The following CUX1 variants were observed in gnomAD, a reference collection of about 807,000 sequenced individuals.
CUX1 encodes the protein protein CASP.
Under a neutral mutation model 158.8 loss-of-function variants are expected in CUX1, and 31 were observed. The observed-to-expected ratio is 0.20, with a 90% CI of 0.15 to 0.26. The LOEUF (loss-of-function observed/expected upper bound fraction) is 0.26, where lower values mean the gene tolerates loss of function less well. CUX1 is among the 10% of genes least tolerant of loss of function. The pLI is 1.00. For synonymous variants in CUX1, 879 were observed against 862.1 expected (o/e 1.02, Z -0.34); for missense variants, 1,589 against 2,014.6 (o/e 0.79, Z 4.04).
At chr7:101,973,435 G>A (rs1205303110) in intron 2 of CUX1, among the ~76,000 whole-genome samples, 1 of 152,214 alleles carries the variant, frequency 6.6e-6, no homozygotes, top group Non-Finnish European at 1.5e-5. Flanking sequence ...ACAGTCTGCT[G>A]ACAGGGGAAT....
intron 2 of CUX1, among the ~76,000 whole-genome samples, chr7:101,990,298 G>A (rs1022983241): frequency 6.6e-6 from 1 of 152,176 alleles, no homozygotes; most frequent in African/African-American, 2.4e-5. Context: ...GGAGTTCAAG[G>A]CAGTAGTGAG....
chr7:101,953,618 T>C (rs1007352500), intron 2 of CUX1, among the ~76,000 whole-genome samples: 2 of 152,202 alleles, frequency 1.3e-5, no homozygotes, highest in African/African-American at 2.4e-5. Context: ...AATGATGTCT[T>C]AAGCTGGCTT....
intron 1 of CUX1, among the ~76,000 whole-genome samples, chr7:101,906,239 G>T (rs1037777089): frequency 1.3e-5 from 2 of 151,940 alleles, no homozygotes; most frequent in Non-Finnish European, 2.9e-5. Context: ...CACAGCCCAT[G>T]GGGAGACGGC....
intron 12 of CUX1, among the ~76,000 whole-genome samples, chr7:102,193,026 G>A (rs1424733747): frequency 1.3e-5 from 2 of 152,208 alleles, no homozygotes; most frequent in Non-Finnish European, 2.9e-5. Flanking sequence ...ACCTTCTCTT[G>A]CCACATCTTT....
At chr7:102,196,579 T>C (rs1346920121) in intron 14 of CUX1, 55 bp from the exon 15 acceptor site, 3 of 1,407,620 alleles carry the variant, frequency 2.1e-6, no homozygotes, top group African/African-American at 2.8e-5. Flanking sequence ...GGTCTTGGTT[T>C]TTTTTTCCCC....
chr7:102,235,688 C>T (rs436709), intron 22 of CUX1, among the ~76,000 whole-genome samples: 47,585 of 141,704 alleles, frequency 0.34, 10,302 homozygotes, highest in East Asian at 0.88. Flanking sequence ...GGCGGCACAG[C>T]GAGACCCCAT....
intron 1 of CUX1, among the ~76,000 whole-genome samples, chr7:101,852,011 A>G (rs980137842): frequency 6.6e-6 from 1 of 151,370 alleles, no homozygotes; most frequent in African/African-American, 2.4e-5. Flanking sequence ...TAAGTATTTT[A>G]TAGAGATAGG....
chr7:101,926,077 A>G (rs1047804891), intron 2 of CUX1, among the ~76,000 whole-genome samples: 3 of 152,218 alleles, frequency 2.0e-5, no homozygotes, highest in Non-Finnish European at 4.4e-5. Flanking sequence ...TCCCCACAGA[A>G]AAGTATCTTG....
In CUX1 at chr7:102,249,310, C is replaced by T. The variant is rs1180333376; in HGVS notation, c.*268C>T. 2 of 1,029,972 alleles carry T rather than the reference C, an allele frequency of 1.9e-6. No individual in the cohort carries two copies. Among genetic ancestry groups the T allele is most frequent in the Non-Finnish European group, 2.3e-6 (2 of 858,302 alleles). 63.8% of individuals were successfully genotyped at this position (1,029,972 alleles called of 1,614,324 possible). On this transcript the variant is annotated 3_prime_UTR_variant, in exon 24 of 24. Transcript: ENST00000292535. ...CCAACCCCGCGGCCCAGACCCAGCC[C>T]GCGGCCTGGACCCCTGGACCGCTTT...
chr7:102,101,246 A>G (rs1829740987), intron 5 of CUX1, among the ~76,000 whole-genome samples: 1 of 152,236 alleles, frequency 6.6e-6, no homozygotes, highest in African/African-American at 2.4e-5. Context: ...CTTCTGCCTC[A>G]TGGGCCACAG....
intron 2 of CUX1, among the ~76,000 whole-genome samples, chr7:101,928,566 A>G (rs530351770): frequency 2.7e-5 from 4 of 149,300 alleles, no homozygotes; most frequent in East Asian, 2.0e-4. Flanking sequence ...GGGTTTCACT[A>G]TGTTGGCCAG....
chr7:101,833,028 G>C (rs1794230092), intron 1 of CUX1, among the ~76,000 whole-genome samples: 1 of 152,110 alleles, frequency 6.6e-6, no homozygotes, highest in African/African-American at 2.4e-5. Flanking sequence ...TTCCCTGAGA[G>C]CATTCTTCTC....
chr7:102,126,215 T>TGTA (rs1554495222), intron 8 of CUX1, among the ~76,000 whole-genome samples: 1 of 96,014 alleles, frequency 1.0e-5, no homozygotes, highest in Non-Finnish European at 2.2e-5. Context: ...GTGTGTGTAT[T>TGTA]TTTTGTAGAG....
chr7:102,028,225 C>T lies in CUX1; in HGVS notation c.189+80C>T, dbSNP rs536360089. The T allele has an allele frequency of 1.8e-4, 271 of 1,490,032 alleles. 1 individual carries two copies. In the African/African-American group the frequency reaches 3.1e-3, roughly 17 times the overall value. 92.3% of individuals were successfully genotyped at this position (1,490,032 alleles called of 1,614,324 possible). A position where few individuals can be genotyped will look rare whatever the true frequency, so the allele number is the denominator to read the frequency against. ...TTTTTATTCACATTAAAGAAATGCT[C>T]CGGGCAAAAGGTGCTGCCCAGATGG... On this transcript the variant is annotated intron_variant, in intron 3 of 23. Coordinates refer to ENST00000292535, the MANE Select transcript of CUX1 (RefSeq NM_181552.4).
intron 2 of CUX1, among the ~76,000 whole-genome samples, chr7:101,944,688 G>A (rs2129144491): frequency 6.6e-6 from 1 of 152,364 alleles, no homozygotes; most frequent in East Asian, 1.9e-4. Context: ...GTCATCTGCT[G>A]TGGCGTGTAT....
chr7:102,248,748 GACCGCC>G lies in CUX1; in HGVS notation c.4231_4236del (p.Thr1411_Ala1412del). On this transcript the variant is annotated inframe_deletion, in exon 24 of 24. Coordinates refer to ENST00000292535, the MANE Select transcript of CUX1 (RefSeq NM_181552.4). The surrounding 1 kb of genome is among the most constrained non-coding windows in gnomAD (Gnocchi z 5.8). ...GGCCCCTGCCCAGCCCCGCCTCCGCGACCGCCACCGCCGCGCCCGCGGCCCCCGAGG... is the reference window on the plus strand; with the variant it reads ...GGCCCCTGCCCAGCCCCGCCTCCGCGACCGCCGCGCCCGCGGCCCCCGAGG... 3 of 1,056,452 alleles carry G rather than the reference GACCGCC, an allele frequency of 2.8e-6. No homozygotes were observed. The highest frequency in any genetic ancestry group is 3.4e-6 in the Non-Finnish European group (3 of 874,870). The allele number at this position is 1,056,452 out of a possible 1,614,324, so 65.4% of individuals were successfully genotyped here.
In CUX1 at chr7:102,234,250, C is replaced by A. The variant is rs1586365405; in HGVS notation, c.3622+10C>A. The A allele has an allele frequency of 6.6e-7, 1 of 1,513,474 alleles. No individual in the cohort carries two copies. Among genetic ancestry groups the A allele is most frequent in the Non-Finnish European group, 8.9e-7 (1 of 1,128,304 alleles). The allele number at this position is 1,513,474 out of a possible 1,614,324, so 93.8% of individuals were successfully genotyped here. A position where few individuals can be genotyped will look rare whatever the true frequency, so the allele number is the denominator to read the frequency against. ...CGGATGGAGAAGAAAGGTAAGTCTC[C>A]CTGCCCCGCCCGGGCCGGCTGCGTC... On this transcript the variant is annotated intron_variant, in intron 22 of 23. Coordinates refer to ENST00000292535, the MANE Select transcript of CUX1 (RefSeq NM_181552.4).
At chr7:101,943,214 C>A (rs553469165) in intron 2 of CUX1, among the ~76,000 whole-genome samples, 1 of 151,040 alleles carries the variant, frequency 6.6e-6, no homozygotes, top group East Asian at 2.0e-4. Context: ...GCAAGAGATT[C>A]TCCTGCTTCA....
rs71119801 is a variant in CUX1 at position 102,030,691 on chromosome 7, G to GTTTTTTTTTTTTTGTTTTTTGTT, written c.189+2558_189+2559insTGTTTTTTGTTTTTTTTTTTTTT. The stretch of plus-strand genomic sequence containing the variant: ...TATCTAATTTTCTATTTTAAAAAGT[G>GTTTTTTTTTTTTTGTTTTTTGTT]TTTTTTTTTTTTGAGACAGGGTCTC... On this transcript the variant is annotated intron_variant, in intron 3 of 23. Transcript: ENST00000292535. Among the ~76,000 whole-genome samples the GTTTTTTTTTTTTTGTTTTTTGTT allele has an allele frequency of 1.6e-3, 189 of 119,392 alleles. 5 individuals are homozygous for GTTTTTTTTTTTTTGTTTTTTGTT. Among genetic ancestry groups the GTTTTTTTTTTTTTGTTTTTTGTT allele is most frequent in the African/African-American group, 5.7e-3 (183 of 32,308 alleles). 78.3% of individuals were successfully genotyped at this position (119,392 alleles called of 152,430 possible). A position where few individuals can be genotyped will look rare whatever the true frequency, so the allele number is the denominator to read the frequency against.
Sources: allele counts gnomAD v4.1 joint callset (sites outside exome capture counted in the v4.1 genomes callset), GRCh38; gene constraint gnomAD v4.1.1; non-coding constraint Gnocchi (gnomAD v3.1); transcripts MANE v1.5; gene names NCBI Gene and HGNC (gene_info 2026-07-23, HGNC 2026-07-21).